Variants in GOLIM4 observed in about 807,000 individuals in gnomAD.
GOLIM4 encodes the protein 130 kDa golgi-localized phosphoprotein.
A neutral mutation model predicts 107.4 loss-of-function variants in GOLIM4; 71 were observed. The ratio of observed to expected loss-of-function variants is 0.66; its 90% confidence interval spans 0.55 to 0.81. GOLIM4 has a LOEUF of 0.81. Among genes scored for constraint, GOLIM4 ranks in the 30% least tolerant of loss-of-function variants. The probability of loss-of-function intolerance (pLI) is 0.00; values close to 1 mark genes in which losing one functional copy is unlikely to be tolerated. For missense variants in GOLIM4, 830 were observed against 826.1 expected (o/e 1.00, Z -0.06); for synonymous variants, 327 against 294.8 (o/e 1.11, Z -1.12).
chr3:168,027,693 T>A lies in GOLIM4; in HGVS notation c.1623+35A>T, dbSNP rs1718072520. ...CAACTCTCTTTCCCACCTTATGAGT[T>A]TACATGTGTCAGGGGCAGAAGAGAG... On this transcript the variant is annotated intron_variant, in intron 12 of 15. Transcript: ENST00000470487. 2.4e-6 allele frequency: 3 copies of A among 1,228,974 alleles called. No individual in the cohort carries two copies. The African/African-American group carries it at 4.5e-5, about 18-fold the overall frequency. 76.1% of individuals were successfully genotyped at this position (1,228,974 alleles called of 1,614,324 possible). A position where few individuals can be genotyped will look rare whatever the true frequency, so the allele number is the denominator to read the frequency against.
intron 1 of GOLIM4, among the ~76,000 whole-genome samples, chr3:168,080,086 TATA>T (rs1397514545): frequency 6.6e-6 from 1 of 152,140 alleles, no homozygotes; most frequent in Non-Finnish European, 1.5e-5. Context: ...TATGGAAGTA[TATA>T]ATAACAAAAA....
chr3:168,043,332 A>G (rs1479474900), intron 5 of GOLIM4, 47 bp downstream of exon 5: 5 of 1,317,650 alleles, frequency 3.8e-6, no homozygotes, highest in East Asian at 4.7e-5. Flanking sequence ...AAACATTAAT[A>G]TCAGTACTTA....
rs1718784191 is a variant in GOLIM4, at chr3:168,038,462, T to A, written c.685-1468A>T. 2.0e-5 allele frequency among the ~76,000 whole-genome samples: 3 copies of A among 152,286 alleles called. 1 individual carries two copies. In the South Asian group the frequency reaches 6.2e-4, roughly 32 times the overall value. ...GCCCAGGTACCTGTGATGCAGGAAGTCTCAAAAAATATCACTTAAGAGTTA... is the reference window on the plus strand; with the variant it reads ...GCCCAGGTACCTGTGATGCAGGAAGACTCAAAAAATATCACTTAAGAGTTA... On this transcript the variant is annotated intron_variant, in intron 7 of 15. Transcript: ENST00000470487.
chr3:168,036,039 T>C (rs1486114175), intron 8 of GOLIM4, among the ~76,000 whole-genome samples: 1 of 152,220 alleles, frequency 6.6e-6, no homozygotes, highest in East Asian at 1.9e-4. Flanking sequence ...ACATGCTCTG[T>C]GTAGACCTAG....
At chr3:168,047,934 C>T (rs997299703) in intron 2 of GOLIM4, among the ~76,000 whole-genome samples, 9 of 152,110 alleles carry the variant, frequency 5.9e-5, no homozygotes, top group African/African-American at 1.7e-4. Context: ...CATCCTGTTA[C>T]TTCCCCCCCA....
At chr3:168,057,436 C>T (rs1026562087) in intron 1 of GOLIM4, among the ~76,000 whole-genome samples, 32 of 152,102 alleles carry the variant, frequency 2.1e-4, no homozygotes, top group African/African-American at 7.2e-4. Context: ...CTCACAGTTC[C>T]GCATGGCTAG....
chr3:168,061,611 T>A (rs1217287447), intron 1 of GOLIM4, among the ~76,000 whole-genome samples: 1 of 152,180 alleles, frequency 6.6e-6, no homozygotes, highest in Non-Finnish European at 1.5e-5. Flanking sequence ...ATGCAAAATA[T>A]CATTCAGCAA....
intron 1 of GOLIM4, among the ~76,000 whole-genome samples, chr3:168,086,539 A>C (rs978198362): frequency 2.6e-5 from 4 of 152,212 alleles, no homozygotes; most frequent in Admixed American, 6.5e-5. Context: ...TCCCAAAGAA[A>C]AGCAAATAAT....
chr3:168,093,438 C>A (rs918135564), intron 1 of GOLIM4, among the ~76,000 whole-genome samples: 2 of 152,174 alleles, frequency 1.3e-5, no homozygotes, highest in African/African-American at 4.8e-5. Context: ...GTGAAAATGA[C>A]AGCCTTTGCC....
chr3:168,095,305 G>A lies in GOLIM4; in HGVS notation c.-20C>T, dbSNP rs750636633. 3.1e-6 allele frequency: 5 copies of A among 1,603,724 alleles called. No individual in the cohort carries two copies. Among genetic ancestry groups the A allele is most frequent in the Non-Finnish European group, 4.3e-6 (5 of 1,175,830 alleles). On this transcript the variant is annotated 5_prime_UTR_variant, in exon 1 of 16. Coordinates refer to ENST00000470487, the MANE Select transcript of GOLIM4 (RefSeq NM_014498.5). ...TCCCATAGTCCCGCCTGGACCCAAA[G>A]CCGCGGCCGCCCCCGCCGTCTCCTC...
rs897183591 is a variant in GOLIM4, at chr3:168,032,743, G to T, written c.953C>A (p.Pro318Gln). 1.9e-6 allele frequency: 3 copies of T among 1,613,844 alleles called. No homozygotes were observed. Among genetic ancestry groups the T allele is most frequent in the South Asian group, 1.1e-5 (1 of 91,068 alleles). ...TTCCACTTCTTGTTGGATTGGCTCT[G>T]GGGGAGCCTGAAATTCTGCCTCCTT... is the stretch of plus-strand genomic sequence containing the variant. ...THKEAEFQAP[P>Q]EPIQQEVERR... Residue 318 changes from proline to glutamine, a missense_variant, in exon 9 of 16, where the codon CCA becomes CAA. Pro to Gln is a moderately conservative substitution (Grantham distance 76). Coordinates refer to ENST00000470487, the MANE Select transcript of GOLIM4 (RefSeq NM_014498.5).
chr3:168,017,570 G>T (rs1307268463), intron 14 of GOLIM4, among the ~76,000 whole-genome samples: 2 of 152,226 alleles, frequency 1.3e-5, no homozygotes, highest in Non-Finnish European at 2.9e-5. Context: ...GTGACACAAT[G>T]TAAGTTCTAT....
At chr3:168,078,827 G>C (rs1721195130) in intron 1 of GOLIM4, among the ~76,000 whole-genome samples, 2 of 152,122 alleles carry the variant, frequency 1.3e-5, no homozygotes, top group African/African-American at 4.8e-5. Flanking sequence ...CATGAATAAT[G>C]GTTAACAAAG....
At position 168,009,072 on chromosome 3, in the gene GOLIM4, G is replaced by A. The variant is rs1220248716; in HGVS notation, c.*1197C>T. ...ACATATATGAATTATATAACCTAGT[G>A]TTATATATTTAAAAATCTTTATGCT... is the stretch of plus-strand genomic sequence containing the variant. On this transcript the variant is annotated 3_prime_UTR_variant, in exon 16 of 16. Coordinates refer to ENST00000470487, the MANE Select transcript of GOLIM4 (RefSeq NM_014498.5). The A allele has an allele frequency of 6.6e-6, 1 of 151,880 alleles. No individual in the cohort carries two copies. The highest frequency in any genetic ancestry group is 1.9e-4 in the East Asian group (1 of 5,186). The allele number at this position is 151,880 out of a possible 1,614,324, so 9.4% of individuals were successfully genotyped here. A position where few individuals can be genotyped will look rare whatever the true frequency, so the allele number is the denominator to read the frequency against.
chr3:168,043,663 C>A, intron 4 of GOLIM4, 134 bp from the exon 5 acceptor site: 1 of 599,952 alleles, frequency 1.7e-6, no homozygotes, highest in East Asian at 3.1e-5. Context: ...CTTTGTTTTT[C>A]TCAAGTTGCT....
chr3:168,064,847 T>C (rs957782491), intron 1 of GOLIM4, among the ~76,000 whole-genome samples: 5 of 152,052 alleles, frequency 3.3e-5, no homozygotes, highest in Non-Finnish European at 7.4e-5. Flanking sequence ...TGATGATACA[T>C]ATAAGTATTC....
intron 1 of GOLIM4, among the ~76,000 whole-genome samples, chr3:168,069,291 T>C (rs970468401): frequency 1.3e-5 from 2 of 152,194 alleles, no homozygotes; most frequent in African/African-American, 4.8e-5. Flanking sequence ...AATGTACTCA[T>C]ATGGCCGGAA....
At chr3:168,087,500 A>T (rs1452970000) in intron 1 of GOLIM4, among the ~76,000 whole-genome samples, 3 of 152,122 alleles carry the variant, frequency 2.0e-5, no homozygotes, top group African/African-American at 7.2e-5. Flanking sequence ...TGCCACATAA[A>T]ATCAACTCTA....
chr3:168,052,407 C>CACACACACAGATGTAT (rs1481469254), intron 1 of GOLIM4, among the ~76,000 whole-genome samples: 1 of 152,000 alleles, frequency 6.6e-6, no homozygotes, highest in Non-Finnish European at 1.5e-5. Flanking sequence ...CACTCTCTCT[C>CACACACACAGATGTAT]ACACACACAG....
Sources: gnomAD v4.1 joint callset for allele counts (sites outside exome capture counted in the v4.1 genomes callset) on GRCh38, gnomAD v4.1.1 for gene constraint, MANE v1.5 for transcripts, NCBI Gene and HGNC (gene_info 2026-07-23, HGNC 2026-07-21) for gene names.